The following HIVEP3 variants were observed in gnomAD, a reference collection of about 807,000 sequenced individuals.
The protein encoded by HIVEP3 is HIVEP zinc finger 3, also known as transcription factor HIVEP3.
HIVEP3 carries 49 observed loss-of-function variants against 152.8 expected under a neutral mutation model. That is an observed-to-expected ratio of 0.32 (90% confidence interval 0.26 to 0.41). The LOEUF (loss-of-function observed/expected upper bound fraction) is 0.41, where lower values mean the gene tolerates loss of function less well. HIVEP3 is among the 10% of genes least tolerant of loss of function. HIVEP3 has a pLI of 1.00. For missense variants in HIVEP3, 2,790 were observed against 3,103.3 expected, an observed-to-expected ratio of 0.90 and a Z score of 2.40; for synonymous variants, 1,269 against 1,289.0, an observed-to-expected ratio of 0.98 and a Z score of 0.33.
intron 1 of HIVEP3, among the ~76,000 whole-genome samples, chr1:41,973,250 T>C (rs879282687): frequency 2.6e-5 from 4 of 152,246 alleles, no homozygotes; most frequent in Admixed American, 1.3e-4. Flanking sequence ...TGTGGGGTCA[T>C]GAAGCCAGGC....
At chr1:41,536,856 G>C (rs1031516990) in intron 5 of HIVEP3, among the ~76,000 whole-genome samples, 12 of 152,156 alleles carry the variant, frequency 7.9e-5, no homozygotes, top group Non-Finnish European at 1.8e-4. Flanking sequence ...CAGTCCCAGA[G>C]AGGTTAAATA....
At chr1:41,980,192 C>T (rs1052831213) in intron 1 of HIVEP3, among the ~76,000 whole-genome samples, 5 of 152,174 alleles carry the variant, frequency 3.3e-5, no homozygotes, top group Admixed American at 3.3e-4. Context: ...CCCTGGGACC[C>T]AGGAATTCCC....
Position 41,584,942 on chromosome 1 carries a change from T to G in HIVEP3, c.-145A>C. The G allele has an allele frequency of 2.9e-6, 2 of 693,202 alleles. No homozygotes were observed. The highest frequency in any genetic ancestry group is 4.3e-6 in the Non-Finnish European group (2 of 466,688). The allele number at this position is 693,202 out of a possible 1,614,324, so 42.9% of individuals were successfully genotyped here. ...GCCAAACCCAAGACGGCTTTGGGAG[T>G]TTTTTGCAAGTGTCACTGGCTGTGA... On this transcript the variant is annotated 5_prime_UTR_variant, in exon 4 of 9. Coordinates refer to ENST00000372583, the MANE Select transcript of HIVEP3 (RefSeq NM_024503.5). The surrounding 1 kb of genome is among the most constrained non-coding windows in gnomAD (Gnocchi z 5.2).
At chr1:41,984,012 C>CCTAG (rs1377585713) in intron 1 of HIVEP3, among the ~76,000 whole-genome samples, 1 of 152,176 alleles carries the variant, frequency 6.6e-6, no homozygotes, top group African/African-American at 2.4e-5. Context: ...CGCTCTGTTG[C>CCTAG]CTAGGCTGGA....
At chr1:41,896,571 T>A (rs1458873518) in intron 1 of HIVEP3, among the ~76,000 whole-genome samples, 2 of 147,134 alleles carry the variant, frequency 1.4e-5, no homozygotes, top group Non-Finnish European at 3.0e-5. Context: ...TTTTTACTTT[T>A]CTTTTCTTTT....
intron 1 of HIVEP3, among the ~76,000 whole-genome samples, chr1:42,005,548 G>A (rs1453112128): frequency 1.3e-5 from 2 of 152,174 alleles, no homozygotes; most frequent in Non-Finnish European, 2.9e-5. Context: ...ACGATGGGGG[G>A]CTACCTTTAT....
intron 2 of HIVEP3, among the ~76,000 whole-genome samples, chr1:41,630,102 AG>A (rs1355092225): frequency 6.6e-6 from 1 of 152,252 alleles, no homozygotes; most frequent in Admixed American, 6.5e-5. Flanking sequence ...GTCATAAAAA[AG>A]AACAAAATCA....
chr1:41,640,079 T>G (rs1645349099), intron 2 of HIVEP3, among the ~76,000 whole-genome samples: 1 of 152,100 alleles, frequency 6.6e-6, no homozygotes, highest in Non-Finnish European at 1.5e-5. Flanking sequence ...TCTCATAAAC[T>G]CTACACTGGG....
intron 3 of HIVEP3, among the ~76,000 whole-genome samples, chr1:41,592,797 G>A (rs1015534014): frequency 6.6e-6 from 1 of 152,226 alleles, no homozygotes; most frequent in African/African-American, 2.4e-5. Flanking sequence ...TCAGGTCAGG[G>A]TATCCCACAG....
intron 2 of HIVEP3, among the ~76,000 whole-genome samples, chr1:41,652,966 G>A (rs1386899563): frequency 2.6e-5 from 4 of 152,038 alleles, no homozygotes; most frequent in South Asian, 2.1e-4. Context: ...CATGAGCACC[G>A]CACGTAGGGA....
At chr1:41,903,341 ACT>A (rs1468619691) in intron 1 of HIVEP3, among the ~76,000 whole-genome samples, 2 of 151,870 alleles carry the variant, frequency 1.3e-5, no homozygotes, top group South Asian at 2.1e-4. Context: ...CTGCTGCCAG[ACT>A]CTCTGTGCCT....
intron 5 of HIVEP3, among the ~76,000 whole-genome samples, chr1:41,528,982 C>A: frequency 7.2e-6 from 1 of 138,622 alleles, no homozygotes; most frequent in Middle Eastern, 4.2e-3. Context: ...TCACACTCAC[C>A]TTCACACTTC....
chr1:41,560,572 G>A (rs977136838), intron 5 of HIVEP3, among the ~76,000 whole-genome samples: 4 of 152,148 alleles, frequency 2.6e-5, no homozygotes, highest in South Asian at 2.1e-4. Flanking sequence ...CTTGGGATGC[G>A]GCCAGGCTGG....
intron 1 of HIVEP3, among the ~76,000 whole-genome samples, chr1:41,714,840 A>G (rs1312299623): frequency 6.6e-6 from 1 of 152,246 alleles, no homozygotes; most frequent in Non-Finnish European, 1.5e-5. Flanking sequence ...ATGATATGCC[A>G]GGTTGTCACT....
chr1:41,712,762 A>C (rs1055810679), intron 1 of HIVEP3, among the ~76,000 whole-genome samples: 12 of 152,144 alleles, frequency 7.9e-5, no homozygotes, highest in African/African-American at 2.7e-4. Flanking sequence ...CCCTCCCTTC[A>C]TAGACACCGT....
intron 1 of HIVEP3, among the ~76,000 whole-genome samples, chr1:41,959,524 T>C (rs1017927054): frequency 3.3e-5 from 5 of 152,236 alleles, no homozygotes; most frequent in Admixed American, 6.5e-5. Flanking sequence ...GCTGCTGGCC[T>C]GATCGAGCAT....
intron 1 of HIVEP3, among the ~76,000 whole-genome samples, chr1:41,837,353 T>G (rs2124364419): frequency 6.6e-6 from 1 of 152,142 alleles, no homozygotes; most frequent in East Asian, 1.9e-4. Flanking sequence ...TGAGACAGAG[T>G]TTCACTCTTG....
chr1:41,605,369 ACACGCG>A (rs201411006), intron 3 of HIVEP3, among the ~76,000 whole-genome samples: 1,680 of 114,488 alleles, frequency 0.015, 27 homozygotes, highest in African/African-American at 0.048. Flanking sequence ...ACACACACGC[ACACGCG>A]CACACACACA....
At chr1:41,974,327 A>G (rs1408078602) in intron 1 of HIVEP3, among the ~76,000 whole-genome samples, 3 of 151,996 alleles carry the variant, frequency 2.0e-5, no homozygotes, top group Non-Finnish European at 2.9e-5. Flanking sequence ...CCATCCTAGG[A>G]GCAGTTGGTT....
Sources: gnomAD v4.1 joint callset for allele counts (sites outside exome capture counted in the v4.1 genomes callset) on GRCh38, gnomAD v4.1.1 for gene constraint, Gnocchi (gnomAD v3.1) non-coding constraint, MANE v1.5 for transcripts, NCBI Gene and HGNC (gene_info 2026-07-23, HGNC 2026-07-21) for gene names.